Variants in FCHSD2 observed in about 807,000 individuals in gnomAD.
FCHSD2 encodes F-BAR and double SH3 domains protein 2.
Under a neutral mutation model 108.1 loss-of-function variants are expected in FCHSD2, and 38 were observed. The ratio of observed to expected loss-of-function variants is 0.35; its 90% CI spans 0.27 to 0.46. The LOEUF is 0.46. Ranked by LOEUF, FCHSD2 falls within the 20% of genes least tolerant of loss-of-function variation. FCHSD2 has a pLI of 1.00. For synonymous variants in FCHSD2, 279 were observed against 314.7 expected (o/e 0.89, Z 1.20); for missense variants, 751 against 897.8 (o/e 0.84, Z 2.09).
At chr11:73,003,566 A>C (rs1857671010) in intron 4 of FCHSD2, among the ~76,000 whole-genome samples, 1 of 147,846 alleles carries the variant, frequency 6.8e-6, no homozygotes, top group South Asian at 2.2e-4. Context: ...GGCTCACTGC[A>C]AGCTCCACCT....
At chr11:73,106,370 C>T (rs147831158) in intron 2 of FCHSD2, among the ~76,000 whole-genome samples, 1 of 147,618 alleles carries the variant, frequency 6.8e-6, no homozygotes, top group Non-Finnish European at 1.5e-5. Flanking sequence ...GGCACCACTA[C>T]ACTCCACCCT....
intron 2 of FCHSD2, among the ~76,000 whole-genome samples, chr11:73,132,795 A>G (rs1861032679): frequency 7.0e-6 from 1 of 143,316 alleles, no homozygotes; most frequent in Admixed American, 7.4e-5. Flanking sequence ...CCTGCACTCC[A>G]GTCTGGGTGA....
intron 9 of FCHSD2, among the ~76,000 whole-genome samples, chr11:72,911,203 T>G (rs1591391358): frequency 6.6e-6 from 1 of 152,216 alleles, no homozygotes; most frequent in Non-Finnish European, 1.5e-5. Flanking sequence ...CTTCTGCATA[T>G]GAATATATCC....
At chr11:73,094,061 C>T (rs1018694083) in intron 2 of FCHSD2, among the ~76,000 whole-genome samples, 4 of 152,064 alleles carry the variant, frequency 2.6e-5, no homozygotes, top group South Asian at 2.1e-4. Context: ...AAATACAAAA[C>T]TTAGCCAGGT....
At chr11:72,910,150 C>T (rs1038067706) in intron 9 of FCHSD2, among the ~76,000 whole-genome samples, 3 of 150,050 alleles carry the variant, frequency 2.0e-5, no homozygotes, top group African/African-American at 7.4e-5. Flanking sequence ...CCGGCTGCCC[C>T]ATCTGGGAAG....
chr11:72,939,743 C>T (rs572280189), intron 8 of FCHSD2, among the ~76,000 whole-genome samples: 45 of 150,984 alleles, frequency 3.0e-4, no homozygotes, highest in Non-Finnish European at 4.6e-4. Context: ...CTCAGCCTCC[C>T]GAGCAGCTGG....
chr11:72,864,005 C>G (rs1254494068), intron 13 of FCHSD2, among the ~76,000 whole-genome samples: 1 of 152,236 alleles, frequency 6.6e-6, no homozygotes, highest in East Asian at 1.9e-4. Context: ...AACTCCTTAT[C>G]TTACCCTTAT....
intron 12 of FCHSD2, chr11:72,869,674 T>C (rs1854809668): frequency 6.6e-6 from 1 of 152,220 alleles, no homozygotes; most frequent in Non-Finnish European, 1.5e-5. Flanking sequence ...GACAAGGGCA[T>C]GGTATTGATG....
chr11:72,950,580 G>T (rs537749854), intron 8 of FCHSD2, among the ~76,000 whole-genome samples: 1 of 152,274 alleles, frequency 6.6e-6, no homozygotes, highest in South Asian at 2.1e-4. Flanking sequence ...TTTGTTGAAA[G>T]ACTATTCTTT....
At chr11:73,130,618 G>C (rs1860974812) in intron 2 of FCHSD2, among the ~76,000 whole-genome samples, 1 of 152,182 alleles carries the variant, frequency 6.6e-6, no homozygotes, top group South Asian at 2.1e-4. Context: ...TAAACCAAGA[G>C]TCACCAATAG....
chr11:72,838,704 C>T lies in FCHSD2; in HGVS notation c.*87G>A. ...GTTTTTTGCTCTGTTCAAGAGTCATCATCATGCAAAGGTGCCTAAAAAACA... is the reference window on the plus strand; with the variant it reads ...GTTTTTTGCTCTGTTCAAGAGTCATTATCATGCAAAGGTGCCTAAAAAACA... On this transcript the variant is annotated 3_prime_UTR_variant, in exon 20 of 20. Coordinates refer to ENST00000409418, the MANE Select transcript of FCHSD2 (RefSeq NM_014824.3). 1 of 1,097,036 alleles carries T rather than the reference C, an allele frequency of 9.1e-7. No individual in the cohort carries two copies. Among genetic ancestry groups the T allele is most frequent in the Non-Finnish European group, 1.4e-6 (1 of 736,520 alleles). The allele number at this position is 1,097,036 out of a possible 1,614,324, so 68.0% of individuals were successfully genotyped here. A position where few individuals can be genotyped will look rare whatever the true frequency, so the allele number is the denominator to read the frequency against.
intron 2 of FCHSD2, among the ~76,000 whole-genome samples, chr11:73,100,857 C>T (rs555052593): frequency 4.1e-5 from 6 of 147,550 alleles, no homozygotes; most frequent in East Asian, 1.9e-4. Context: ...GATGCTTCTA[C>T]GTGGGATTTT....
rs557108951 is a variant in FCHSD2, at chr11:73,090,951, TA to T, written c.120-7212del. Among the ~76,000 whole-genome samples, 4 of 152,310 alleles carry T rather than the reference TA, an allele frequency of 2.6e-5. No homozygotes were observed. In the East Asian group the frequency reaches 7.7e-4, roughly 29 times the overall value. On this transcript the variant is annotated intron_variant, in intron 2 of 19. Coordinates refer to ENST00000409418, the MANE Select transcript of FCHSD2 (RefSeq NM_014824.3). ...CCCTTTCTTCTCCTCCCCTGTCAACTACTAATCTAATTTTTTGTCTCTACAA... is the reference window on the plus strand; with the variant it reads ...CCCTTTCTTCTCCTCCCCTGTCAACTCTAATCTAATTTTTTGTCTCTACAA...
At chr11:73,117,130 A>G (rs1860622812) in intron 2 of FCHSD2, among the ~76,000 whole-genome samples, 1 of 152,224 alleles carries the variant, frequency 6.6e-6, no homozygotes, top group African/African-American at 2.4e-5. Context: ...AGAAGCTGGT[A>G]TTTATAAGCT....
chr11:73,036,324 C>CA (rs529966875), intron 3 of FCHSD2, among the ~76,000 whole-genome samples: 3,749 of 128,352 alleles, frequency 0.029, 91 homozygotes, highest in African/African-American at 0.075. Flanking sequence ...AAATAAAAGA[C>CA]AAAAAAAAAA....
chr11:73,136,402 A>G (rs1482226378), intron 2 of FCHSD2, among the ~76,000 whole-genome samples: 1 of 152,112 alleles, frequency 6.6e-6, no homozygotes, highest in Non-Finnish European at 1.5e-5. Flanking sequence ...TCTACAAAAA[A>G]CACAAAAATT....
intron 8 of FCHSD2, among the ~76,000 whole-genome samples, chr11:72,966,520 ATACT>A (rs1354768884): frequency 6.6e-6 from 1 of 152,144 alleles, no homozygotes. Context: ...TTCTTACAAA[ATACT>A]TACTTGCCTG....
rs565454670 is a variant in FCHSD2, at chr11:72,906,120, C to T, written c.829-3482G>A. 6.1e-4 allele frequency among the ~76,000 whole-genome samples: 93 copies of T among 151,904 alleles called. 1 individual carries two copies. In the South Asian group the frequency reaches 0.018, roughly 29 times the overall value. On this transcript the variant is annotated intron_variant, in intron 9 of 19. Transcript: ENST00000409418. ...CATCTGTTGTTTCCTTTTTAATGAT[C>T]GCCATTCTGTTGTGACATAGTATCT...
chr11:73,073,008 A>G (rs1460578921), intron 3 of FCHSD2, among the ~76,000 whole-genome samples: 1 of 152,194 alleles, frequency 6.6e-6, no homozygotes, highest in African/African-American at 2.4e-5. Flanking sequence ...TAAAGTCCAC[A>G]ATGTTTTCCT....
Sources: allele counts gnomAD v4.1 joint callset (sites outside exome capture counted in the v4.1 genomes callset), GRCh38; gene constraint gnomAD v4.1.1; transcripts MANE v1.5; gene names NCBI Gene and HGNC (gene_info 2026-07-23, HGNC 2026-07-21).